WDR1: variants seen among roughly 807,000 people sequenced by gnomAD.
The protein encoded by WDR1 is WD repeat-containing protein 1.
A neutral mutation model predicts 71.9 loss-of-function variants in WDR1; 21 were observed. The ratio of observed to expected loss-of-function variants is 0.29; its 90% CI spans 0.21 to 0.42. WDR1 has a LOEUF of 0.42. Among genes scored for constraint, WDR1 ranks in the 10% least tolerant of loss-of-function variants. The pLI is 1.00. For synonymous variants in WDR1, 424 were observed against 347.4 expected (o/e 1.22, Z -2.45); for missense variants, 696 against 824.5 (o/e 0.84, Z 1.91).
intron 2 of WDR1, among the ~76,000 whole-genome samples, chr4:10,109,657 T>C (rs542276761): frequency 3.0e-4 from 46 of 152,298 alleles, no homozygotes; most frequent in South Asian, 2.1e-4. Context: ...GCACCCCTCA[T>C]TGGACTACGT....
intron 8 of WDR1, among the ~76,000 whole-genome samples, chr4:10,086,913 G>T (rs1319905867): frequency 1.3e-5 from 2 of 152,178 alleles, no homozygotes; most frequent in Non-Finnish European, 2.9e-5. Context: ...TGTGAGAGGA[G>T]GACCTGAGGA....
chr4:10,107,485 G>C (rs1259063976), intron 2 of WDR1, among the ~76,000 whole-genome samples: 1 of 152,106 alleles, frequency 6.6e-6, no homozygotes, highest in Non-Finnish European at 1.5e-5. Context: ...CTCCCTCCAG[G>C]CTTCAGCCCA....
chr4:10,116,272 GGGCGGGGAC>G (rs750006554), intron 1 of WDR1, 38 bp from the exon 2 acceptor site: 8 of 1,612,200 alleles, frequency 5.0e-6, no homozygotes, highest in Non-Finnish European at 6.8e-6. Context: ...TGTCAGGGCA[GGGCGGGGAC>G]GGCGGGGACA....
At chr4:10,116,514 C>T (rs1713744752) in intron 1 of WDR1, 137 bp downstream of exon 1, 1 of 707,708 alleles carries the variant, frequency 1.4e-6, no homozygotes, top group Non-Finnish European at 1.8e-6. Flanking sequence ...AGGGCGGCCC[C>T]GCCACGCCTC....
chr4:10,081,257 C>T (rs949716775), intron 11 of WDR1, 100 bp downstream of exon 11: 2 of 1,163,004 alleles, frequency 1.7e-6, no homozygotes, highest in African/African-American at 3.0e-5. Flanking sequence ...TCAACCAAAA[C>T]ACTGGCTAGA....
In WDR1 at chr4:10,084,458, G is replaced by A; in HGVS notation, c.1024C>T (p.His342Tyr). 1.2e-6 allele frequency: 2 copies of A among 1,613,840 alleles called. No individual in the cohort carries two copies. Among genetic ancestry groups the A allele is most frequent in the Non-Finnish European group, 1.7e-6 (2 of 1,179,790 alleles). Reference sequence around the variant, plus strand: ...CAAAGGATATTAATGTGTCCGTCGTGGCTCCCAGAGTAAATGTAGGACTTG... The same window carrying A: ...CAAAGGATATTAATGTGTCCGTCGTAGCTCCCAGAGTAAATGTAGGACTTG... Reference protein sequence around the residue: ...GGKSYIYSGSHDGHINYWDSE... With the variant: ...GGKSYIYSGSYDGHINYWDSE... Residue 342 changes from histidine (H) to tyrosine (Y), a missense_variant, in exon 9 of 15, where the codon CAC becomes TAC. Transcript: ENST00000499869.
chr4:10,098,036 A>G (rs1159849553), intron 4 of WDR1, 145 bp from the exon 5 acceptor site: 1 of 831,788 alleles, frequency 1.2e-6, no homozygotes, highest in African/African-American at 1.7e-5. Flanking sequence ...ACAGGGACAA[A>G]TGAGGGAAGC....
intron 2 of WDR1, among the ~76,000 whole-genome samples, chr4:10,112,188 G>C (rs977128900): frequency 6.6e-6 from 1 of 152,138 alleles, no homozygotes; most frequent in Admixed American, 6.5e-5. Context: ...GCCATTGGGG[G>C]TGACCCTTCC....
rs772786047 is a variant in WDR1 at position 10,116,353 on chromosome 4, G to C, written c.17-119C>G. The C allele has an allele frequency of 4.2e-6, 6 of 1,435,750 alleles. No individual in the cohort carries two copies. In the Admixed American group the frequency reaches 1.0e-4, roughly 25 times the overall value. 88.9% of individuals were successfully genotyped at this position (1,435,750 alleles called of 1,614,324 possible). A position where few individuals can be genotyped will look rare whatever the true frequency, so the allele number is the denominator to read the frequency against. ...CACCTGTTGACTGCGCCGGGAGGGC[G>C]GCCTCCACTTTCCACGAGCGCCAGG... On this transcript the variant is annotated intron_variant, in intron 1 of 14. Transcript: ENST00000499869.
rs1481374767 is a variant in WDR1 at position 10,099,025 on chromosome 4, T to C, written c.344A>G (p.Lys115Arg). Reference sequence around the variant, plus strand: ...TCCTTCCCCGACCACGGCGATCCTCTTACTGTCTTCAGTCCAAGCAATGTC... The same window carrying C: ...TCCTTCCCCGACCACGGCGATCCTCCTACTGTCTTCAGTCCAAGCAATGTC... ...IKDIAWTEDSKRIAVVGEGRE... is the reference protein window; with the variant it reads ...IKDIAWTEDSRRIAVVGEGRE... The change falls in exon 4 of 15, where the codon AAG (lysine) becomes AGG (arginine). Residue 115 changes from lysine (K) to arginine (R), a missense_variant. Coordinates refer to ENST00000499869, the MANE Select transcript of WDR1 (RefSeq NM_017491.5). The C allele has an allele frequency of 1.2e-6, 2 of 1,613,928 alleles. No individual in the cohort carries two copies. The highest frequency in any genetic ancestry group is 4.5e-5 in the East Asian group (2 of 44,900).
chr4:10,084,136 C>T (rs1482464233), intron 9 of WDR1, among the ~76,000 whole-genome samples: 1 of 152,238 alleles, frequency 6.6e-6, no homozygotes, highest in African/African-American at 2.4e-5. Flanking sequence ...GAGGTAGTGG[C>T]AGCCCAAGCT....
chr4:10,103,289 GACAC>G (rs5856034), intron 3 of WDR1, among the ~76,000 whole-genome samples: 67,647 of 146,692 alleles, frequency 0.46, 16,826 homozygotes, highest in Non-Finnish European at 0.59. Context: ...CACACACACA[GACAC>G]ACACACACAC....
chr4:10,115,459 G>A (rs113183010), intron 2 of WDR1, among the ~76,000 whole-genome samples: 32 of 152,342 alleles, frequency 2.1e-4, no homozygotes, highest in African/African-American at 7.5e-4. Flanking sequence ...GGCAGATCTG[G>A]CTGGCCCAGA....
chr4:10,109,935 C>T (rs1323162222), intron 2 of WDR1, among the ~76,000 whole-genome samples: 2 of 152,230 alleles, frequency 1.3e-5, no homozygotes, highest in Admixed American at 1.3e-4. Context: ...GAATTAGCTC[C>T]GTTAAATCTT....
At chr4:10,116,379 A>T in intron 1 of WDR1, 145 bp from the exon 2 acceptor site, 2 of 1,258,778 alleles carry the variant, frequency 1.6e-6, no homozygotes, top group Non-Finnish European at 2.2e-6. Context: ...GAGCGCCAGG[A>T]ACCGCGCGAC....
intron 3 of WDR1, among the ~76,000 whole-genome samples, chr4:10,099,553 A>G (rs1460863972): frequency 6.6e-6 from 1 of 152,216 alleles, no homozygotes; most frequent in African/African-American, 2.4e-5. Flanking sequence ...GCCTCAGGCC[A>G]CCTTTGTGGA....
Position 10,113,909 on chromosome 4 carries a change from T to A in WDR1, c.138+2204A>T, listed in dbSNP as rs141886879. Among the ~76,000 whole-genome samples the A allele has an allele frequency of 1.4e-4, 22 of 152,356 alleles. No individual in the cohort carries two copies. In the East Asian group the frequency reaches 4.0e-3, roughly 28 times the overall value. ...ACAAATTTGGCTTGGAGTATGTATG[T>A]TGAGTCTGAGATGTCAATGAGACAT... On this transcript the variant is annotated intron_variant, in intron 2 of 14. Transcript: ENST00000499869.
chr4:10,076,667 C>T (rs1003865210), intron 14 of WDR1: 4 of 152,178 alleles, frequency 2.6e-5, no homozygotes, highest in African/African-American at 9.7e-5. Flanking sequence ...TGGGCTCAGA[C>T]ATTTTTAAAT....
intron 5 of WDR1, among the ~76,000 whole-genome samples, chr4:10,095,786 CCT>C (rs1221339525): frequency 2.0e-5 from 3 of 152,210 alleles, no homozygotes; most frequent in Non-Finnish European, 4.4e-5. Context: ...TCACTGTCAC[CCT>C]GTTTCCGGGA....
Sources: gnomAD v4.1 joint callset for allele counts (sites outside exome capture counted in the v4.1 genomes callset) on GRCh38, gnomAD v4.1.1 for gene constraint, MANE v1.5 for transcripts, NCBI Gene and HGNC (gene_info 2026-07-23, HGNC 2026-07-21) for gene names.